ALK: variants seen among roughly 807,000 people sequenced by gnomAD.
The protein encoded by ALK is ALK tyrosine kinase receptor.
A neutral mutation model predicts 163.1 loss-of-function variants in ALK; 74 were observed. That is an observed-to-expected ratio of 0.45 (90% CI 0.38 to 0.55). The LOEUF is 0.55. Ranked by LOEUF, ALK falls within the 20% of genes least tolerant of loss-of-function variation. ALK has a pLI of 0.00. For missense variants in ALK, 2,063 were observed against 2,105.3 expected (o/e 0.98, Z 0.39); for synonymous variants, 960 against 843.2 (o/e 1.14, Z -2.40).
chr2:29,408,417 A>G (rs1477360068), intron 4 of ALK, among the ~76,000 whole-genome samples: 2 of 152,034 alleles, frequency 1.3e-5, no homozygotes, highest in East Asian at 1.9e-4. Flanking sequence ...AAGGCCTGCC[A>G]GGAGCTCAGG....
intron 3 of ALK, among the ~76,000 whole-genome samples, chr2:29,594,904 G>C (rs1410652754): frequency 9.9e-6 from 1 of 100,848 alleles, no homozygotes; most frequent in African/African-American, 3.8e-5. Context: ...TGGGGGGTGG[G>C]GGGCGGGGGG....
chr2:29,379,976 A>C (rs1668854938), intron 5 of ALK, among the ~76,000 whole-genome samples: 1 of 152,218 alleles, frequency 6.6e-6, no homozygotes, highest in African/African-American at 2.4e-5. Flanking sequence ...ATGGTTCCAC[A>C]GGCTGTACAG....
intron 1 of ALK, among the ~76,000 whole-genome samples, chr2:29,733,353 A>C (rs1344637635): frequency 6.6e-6 from 1 of 152,214 alleles, no homozygotes; most frequent in East Asian, 1.9e-4. Context: ...GCTGCAAACT[A>C]GATTAAGGGA....
intron 1 of ALK, among the ~76,000 whole-genome samples, chr2:29,744,648 C>T (rs891831762): frequency 5.9e-5 from 9 of 152,006 alleles, no homozygotes; most frequent in Non-Finnish European, 1.5e-5. Context: ...TCACCCAGGC[C>T]AGAGTGCAGT....
chr2:29,640,526 C>T (rs12463650), intron 3 of ALK, among the ~76,000 whole-genome samples: 1,641 of 152,276 alleles, frequency 0.011, 103 homozygotes, highest in Admixed American at 0.097. Flanking sequence ...GCTGAGCAGG[C>T]GCCACATTCT....
At chr2:29,625,530 A>G (rs1247402793) in intron 3 of ALK, among the ~76,000 whole-genome samples, 3 of 152,250 alleles carry the variant, frequency 2.0e-5, no homozygotes, top group Non-Finnish European at 4.4e-5. Context: ...TAACTAGAAT[A>G]TGACAGAGAA....
chr2:29,296,850 AGAG>A (rs1218043919), intron 9 of ALK, 35 bp downstream of exon 9: 1 of 1,613,620 alleles, frequency 6.2e-7, no homozygotes, highest in Middle Eastern at 1.7e-4. Context: ...TTTAGCTGAT[AGAG>A]GAGAAGGGTA....
intron 4 of ALK, among the ~76,000 whole-genome samples, chr2:29,441,719 C>A (rs1037374919): frequency 3.3e-5 from 5 of 152,136 alleles, no homozygotes; most frequent in Non-Finnish European, 5.9e-5. Context: ...AGGGGCTGGA[C>A]ATTTCTCAAG....
At chr2:29,615,161 T>C (rs1675805058) in intron 3 of ALK, among the ~76,000 whole-genome samples, 2 of 152,308 alleles carry the variant, frequency 1.3e-5, no homozygotes, top group South Asian at 2.1e-4. Context: ...ATGCTCTTGC[T>C]TGTGACTTTA....
At chr2:29,894,998 C>A (rs183480972) in intron 1 of ALK, among the ~76,000 whole-genome samples, 2 of 152,240 alleles carry the variant, frequency 1.3e-5, no homozygotes, top group Non-Finnish European at 2.9e-5. Context: ...GGTAAAACCT[C>A]CATATGTCAA....
intron 4 of ALK, among the ~76,000 whole-genome samples, chr2:29,408,464 G>A (rs1433660988): frequency 6.6e-6 from 1 of 152,116 alleles, no homozygotes; most frequent in Non-Finnish European, 1.5e-5. Context: ...GCCCGATGGA[G>A]CTCAGGATAG....
At chr2:29,475,390 A>G (rs1393620587) in intron 4 of ALK, among the ~76,000 whole-genome samples, 1 of 151,896 alleles carries the variant, frequency 6.6e-6, no homozygotes, top group Non-Finnish European at 1.5e-5. Context: ...CAAGAGGTGA[A>G]CTCTCCTGCC....
intron 1 of ALK, among the ~76,000 whole-genome samples, chr2:29,860,675 C>G (rs1482463267): frequency 6.6e-6 from 1 of 152,148 alleles, no homozygotes; most frequent in Non-Finnish European, 1.5e-5. Flanking sequence ...GAAATCACAT[C>G]AAGTATCTTT....
intron 1 of ALK, among the ~76,000 whole-genome samples, chr2:29,906,411 A>G (rs1410156544): frequency 6.6e-6 from 1 of 152,182 alleles, no homozygotes; most frequent in East Asian, 1.9e-4. Flanking sequence ...TTGTTGAATT[A>G]ATGATTTTTT....
chr2:29,744,982 GA>G (rs1389631026), intron 1 of ALK, among the ~76,000 whole-genome samples: 1 of 152,154 alleles, frequency 6.6e-6, no homozygotes, highest in Non-Finnish European at 1.5e-5. Flanking sequence ...GGGTGTCAAA[GA>G]ATTTGTGGAC....
At chr2:29,475,834 GAA>G (rs1032288316) in intron 4 of ALK, among the ~76,000 whole-genome samples, 9 of 151,444 alleles carry the variant, frequency 5.9e-5, no homozygotes, top group African/African-American at 2.2e-4. Context: ...CTGAGTGCCT[GAA>G]GAGGAATTGT....
intron 4 of ALK, among the ~76,000 whole-genome samples, chr2:29,519,567 G>A (rs935134515): frequency 3.3e-5 from 5 of 152,198 alleles, no homozygotes; most frequent in Admixed American, 1.3e-4. Context: ...CACACACAAT[G>A]TACCTGCTGC....
chr2:29,378,545 A>T (rs1044540181), intron 5 of ALK, among the ~76,000 whole-genome samples: 5 of 152,186 alleles, frequency 3.3e-5, no homozygotes, highest in African/African-American at 1.2e-4. Flanking sequence ...AATAATAATG[A>T]TAAGAATAAT....
chr2:29,624,722 T>TGCTCCCCTGAATAAA (rs1175073042), intron 3 of ALK, among the ~76,000 whole-genome samples: 2 of 152,250 alleles, frequency 1.3e-5, no homozygotes, highest in Non-Finnish European at 2.9e-5. Context: ...AACCTGCACG[T>TGCTCCCCTGAATAAA]ACTGCGCATG....
Sources: allele counts gnomAD v4.1 joint callset (sites outside exome capture counted in the v4.1 genomes callset), GRCh38; gene constraint gnomAD v4.1.1; transcripts MANE v1.5; gene names NCBI Gene and HGNC (gene_info 2026-07-23, HGNC 2026-07-21).